The following IQCM variants were observed in gnomAD, a reference collection of about 807,000 sequenced individuals.
The protein encoded by IQCM is IQ domain-containing protein M.
IQCM carries 45 observed loss-of-function variants against 57.6 expected under a neutral mutation model. That is an observed-to-expected ratio of 0.78 (90% confidence interval 0.62 to 1.00). The LOEUF (loss-of-function observed/expected upper bound fraction) is 1.00, where lower values mean the gene tolerates loss of function less well. IQCM is among the 50% of genes least tolerant of loss of function. IQCM has a pLI of 0.00. For missense variants in IQCM, 468 were observed against 511.6 expected (o/e 0.91, Z 0.82); for synonymous variants, 148 against 158.9 (o/e 0.93, Z 0.51).
chr4:149,574,438 A>G (rs1299289916), intron 9 of IQCM, among the ~76,000 whole-genome samples: 1 of 151,888 alleles, frequency 6.6e-6, no homozygotes, highest in Non-Finnish European at 1.5e-5. Flanking sequence ...GCCACCTCCT[A>G]CTAATGTCAC....
chr4:149,680,307 C>G (rs1329423394), intron 7 of IQCM, among the ~76,000 whole-genome samples: 3 of 151,242 alleles, frequency 2.0e-5, no homozygotes, highest in Non-Finnish European at 4.4e-5. Flanking sequence ...TATCATAAAA[C>G]TAATAATCTC....
chr4:149,490,078 C>A (rs1741930965), intron 12 of IQCM, among the ~76,000 whole-genome samples: 1 of 151,874 alleles, frequency 6.6e-6, no homozygotes, highest in Non-Finnish European at 1.5e-5. Context: ...TGAACAGGTT[C>A]ATAAAGTGTG....
chr4:149,629,155 T>C (rs909905555), intron 7 of IQCM, among the ~76,000 whole-genome samples: 1 of 152,204 alleles, frequency 6.6e-6, no homozygotes, highest in African/African-American at 2.4e-5. Flanking sequence ...TTCTATAGCT[T>C]GGTCTTAAAG....
chr4:149,591,136 C>T (rs1753120939), intron 8 of IQCM, among the ~76,000 whole-genome samples: 1 of 151,994 alleles, frequency 6.6e-6, no homozygotes, highest in South Asian at 2.1e-4. Context: ...TCTCAAATCC[C>T]ACAGTTTAAC....
chr4:149,509,355 G>A (rs1454648174), intron 12 of IQCM, among the ~76,000 whole-genome samples: 2 of 151,870 alleles, frequency 1.3e-5, no homozygotes, highest in African/African-American at 2.4e-5. Context: ...ATAGCTCACT[G>A]CAGCTTCAAC....
intron 13 of IQCM, among the ~76,000 whole-genome samples, chr4:149,431,337 C>T (rs1451567322): frequency 6.6e-6 from 1 of 151,926 alleles, no homozygotes; most frequent in Non-Finnish European, 1.5e-5. Flanking sequence ...TTGATATGGC[C>T]AGTCTTTTTA....
intron 13 of IQCM, among the ~76,000 whole-genome samples, chr4:149,376,063 A>C (rs1448667420): frequency 1.3e-5 from 2 of 152,108 alleles, no homozygotes; most frequent in Non-Finnish European, 2.9e-5. Flanking sequence ...AACCACCTCA[A>C]AAGAAGAATC....
At chr4:149,469,723 G>A (rs1739292942) in intron 12 of IQCM, among the ~76,000 whole-genome samples, 2 of 152,180 alleles carry the variant, frequency 1.3e-5, no homozygotes, top group South Asian at 2.1e-4. Context: ...CAGCCAGAGA[G>A]AAAGGTCGGG....
At chr4:149,679,828 T>A (rs961899767) in intron 7 of IQCM, among the ~76,000 whole-genome samples, 14 of 151,478 alleles carry the variant, frequency 9.2e-5, no homozygotes, top group African/African-American at 3.4e-4. Context: ...AGAGTTATAA[T>A]AATGATGTGG....
rs3085128 is a variant in IQCM, at chr4:149,702,300, T to TCACACACA, written c.386-15840_386-15833dup. ...TACACTCACTGATGACTCCCTCACT[T>TCACACACA]CACACACACACACACACACACACAC... On this transcript the variant is annotated intron_variant, in intron 5 of 13. Transcript: ENST00000636793. Among the ~76,000 whole-genome samples the TCACACACA allele has an allele frequency of 5.2e-3, 759 of 145,948 alleles. 5 individuals are homozygous for TCACACACA. Among genetic ancestry groups the TCACACACA allele is most frequent in the African/African-American group, 0.017 (665 of 39,950 alleles).
chr4:149,492,396 T>C (rs113005462), intron 12 of IQCM, among the ~76,000 whole-genome samples: 100 of 151,888 alleles, frequency 6.6e-4, no homozygotes, highest in African/African-American at 2.3e-3. Context: ...TCACCTTCAT[T>C]ACTAAGAAAC....
At chr4:149,779,203 CTA>C (rs1348606635) in intron 2 of IQCM, among the ~76,000 whole-genome samples, 1 of 152,124 alleles carries the variant, frequency 6.6e-6, no homozygotes, top group Admixed American at 6.5e-5. Context: ...ATCCACTCTA[CTA>C]ACAGGTTTAA....
intron 12 of IQCM, among the ~76,000 whole-genome samples, chr4:149,527,405 A>C (rs1199464975): frequency 6.6e-6 from 1 of 152,184 alleles, no homozygotes; most frequent in African/African-American, 2.4e-5. Context: ...GTTTAAATTA[A>C]GTCATGAGGA....
chr4:149,617,767 GA>G (rs77661498), intron 8 of IQCM, among the ~76,000 whole-genome samples: 39 of 148,650 alleles, frequency 2.6e-4, no homozygotes, highest in African/African-American at 5.9e-4. Context: ...AATAGCTACA[GA>G]AAAAAAAACA....
chr4:149,747,323 T>C (rs1279087220), intron 2 of IQCM, among the ~76,000 whole-genome samples: 1 of 152,180 alleles, frequency 6.6e-6, no homozygotes, highest in Non-Finnish European at 1.5e-5. Flanking sequence ...CCTGTAGATG[T>C]CAAAATCTGC....
At chr4:149,492,472 A>G (rs1481964382) in intron 12 of IQCM, among the ~76,000 whole-genome samples, 1 of 152,116 alleles carries the variant, frequency 6.6e-6, no homozygotes, top group Non-Finnish European at 1.5e-5. Flanking sequence ...CTTGGTACTA[A>G]CCTACACAAG....
At chr4:149,587,242 A>G (rs1311079717) in intron 9 of IQCM, among the ~76,000 whole-genome samples, 2 of 151,794 alleles carry the variant, frequency 1.3e-5, no homozygotes, top group Non-Finnish European at 2.9e-5. Context: ...TCAAGAGTCA[A>G]ATAGTTTCCC....
chr4:149,697,252 A>G (rs1461894709), intron 5 of IQCM, among the ~76,000 whole-genome samples: 2 of 152,082 alleles, frequency 1.3e-5, no homozygotes, highest in Non-Finnish European at 2.9e-5. Context: ...AGGACCTTGA[A>G]TAAGTCAAGG....
intron 5 of IQCM, among the ~76,000 whole-genome samples, chr4:149,731,088 C>T (rs1045268700): frequency 6.6e-6 from 1 of 152,168 alleles, no homozygotes; most frequent in Non-Finnish European, 1.5e-5. Context: ...ATCCCTTTCC[C>T]CACTTGTCCA....
Sources: allele counts gnomAD v4.1 joint callset (sites outside exome capture counted in the v4.1 genomes callset), GRCh38; gene constraint gnomAD v4.1.1; transcripts MANE v1.5; gene names NCBI Gene and HGNC (gene_info 2026-07-23, HGNC 2026-07-21).